DYM: variants seen among roughly 807,000 people sequenced by gnomAD.
DYM encodes the protein dymeclin, also known as dyggve-Melchior-Clausen syndrome protein.
In DYM, 78 loss-of-function variants were observed where a neutral mutation model predicts 93.1. The ratio of observed to expected loss-of-function variants is 0.84; its 90% CI spans 0.70 to 1.01. The LOEUF (loss-of-function observed/expected upper bound fraction) is 1.01. Among genes scored for constraint, DYM ranks in the 50% least tolerant of loss-of-function variants. The pLI, the probability that DYM is intolerant of heterozygous loss-of-function variation, is 0.00. For synonymous variants in DYM, 321 were observed against 319.7 expected, an observed-to-expected ratio of 1.00 and a Z score of -0.04; for missense variants, 789 against 845.0, an observed-to-expected ratio of 0.93 and a Z score of 0.82.
In DYM at chr18:49,286,558, T is replaced by C; in HGVS notation, c.822A>G (p.Pro274=). 6.2e-7 allele frequency: 1 copy of C among 1,614,134 alleles called. No individual in the cohort carries two copies. The highest frequency in any genetic ancestry group is 2.2e-5 in the East Asian group (1 of 44,856). Residue 274 remains proline (P), a synonymous_variant, in exon 9 of 18, where the codon CCA becomes CCG. Coordinates refer to ENST00000675505, the MANE Select transcript of DYM (RefSeq NM_001353214.3). ...GGTTGGCCAGAGGGGAAGAAAGCTC[T>C]GGAGAGGCAGCCGCTTTGCTGCCCA... ...GGVGSKAAAS[P]ELSSPLANQS...
chr18:49,305,135 A>G (rs1234428624), intron 8 of DYM, among the ~76,000 whole-genome samples: 1 of 151,936 alleles, frequency 6.6e-6, no homozygotes, highest in Non-Finnish European at 1.5e-5. Flanking sequence ...TCCTCACCCA[A>G]CTAGGATTCT....
chr18:49,117,900 T>G (rs114083265), intron 16 of DYM, among the ~76,000 whole-genome samples: 86 of 152,116 alleles, frequency 5.7e-4, no homozygotes, highest in African/African-American at 2.1e-3. Flanking sequence ...GGTTTCACTG[T>G]GTTAGCCAGG....
Position 49,258,425 on chromosome 18 carries a change from G to C in DYM, c.1320C>G (p.Ile440Met). 6.2e-7 allele frequency: 1 copy of C among 1,613,388 alleles called. No homozygotes were observed. The highest frequency in any genetic ancestry group is 8.5e-7 in the Non-Finnish European group (1 of 1,179,402). ...LTEISLGSLL[I>M]LVVIRTIQYN... is the part of the protein sequence containing the mutation. ...ATTGAATGGTTCTTATTACCACCAG[G>C]ATCAGGAGACTCCCCAAGGAGATTT... is the stretch of plus-strand genomic sequence containing the variant. The change falls in exon 12 of 18, where the codon ATC becomes ATG. Residue 440 changes from isoleucine (I) to methionine (M), a missense_variant. Transcript: ENST00000675505.
intron 14 of DYM, among the ~76,000 whole-genome samples, chr18:49,179,668 T>C (rs891894029): frequency 9.2e-5 from 14 of 152,186 alleles, no homozygotes; most frequent in African/African-American, 3.4e-4. Context: ...ATTGTCAACA[T>C]AAGGTAGATA....
intron 16 of DYM, among the ~76,000 whole-genome samples, chr18:49,106,606 G>A (rs1412912506): frequency 6.6e-6 from 1 of 152,180 alleles, no homozygotes; most frequent in Non-Finnish European, 1.5e-5. Flanking sequence ...GCCTGGTGGT[G>A]AGAAAATCTC....
chr18:49,401,594 T>C (rs947059108), intron 2 of DYM, among the ~76,000 whole-genome samples: 3 of 152,108 alleles, frequency 2.0e-5, no homozygotes, highest in African/African-American at 7.2e-5. Context: ...TGGAGAACTA[T>C]GCCCAAGAAT....
chr18:49,232,863 C>A (rs917899262), intron 13 of DYM, among the ~76,000 whole-genome samples: 1 of 151,784 alleles, frequency 6.6e-6, no homozygotes, highest in Non-Finnish European at 1.5e-5. Context: ...CCCACCTCAG[C>A]CTCCCAAAAG....
chr18:49,453,586 G>A (rs2082719501), intron 1 of DYM, among the ~76,000 whole-genome samples: 1 of 152,176 alleles, frequency 6.6e-6, no homozygotes, highest in South Asian at 2.1e-4. Flanking sequence ...CACCGTGAGG[G>A]TCCGTGGCTT....
intron 16 of DYM, among the ~76,000 whole-genome samples, chr18:49,114,348 T>A (rs1192791623): frequency 1.3e-5 from 2 of 152,244 alleles, no homozygotes; most frequent in African/African-American, 4.8e-5. Context: ...TAACAGCATA[T>A]AGTCAAATGT....
intron 15 of DYM, among the ~76,000 whole-genome samples, chr18:49,154,131 A>T (rs2086123785): frequency 6.6e-6 from 1 of 152,188 alleles, no homozygotes; most frequent in African/African-American, 2.4e-5. Flanking sequence ...TATTCCACAA[A>T]ATAACTGACT....
At chr18:49,100,788 T>C (rs1219873487) in intron 16 of DYM, among the ~76,000 whole-genome samples, 1 of 152,180 alleles carries the variant, frequency 6.6e-6, no homozygotes, top group African/African-American at 2.4e-5. Flanking sequence ...TACAGAATTG[T>C]AAAAAGGATC....
intron 1 of DYM, among the ~76,000 whole-genome samples, chr18:49,441,298 AT>A (rs2081569598): frequency 3.4e-4 from 14 of 41,690 alleles, no homozygotes; most frequent in African/African-American, 1.5e-3. Flanking sequence ...ATATAATATA[AT>A]TATATATAAT....
chr18:49,306,280 A>T (rs2061270551), intron 8 of DYM, among the ~76,000 whole-genome samples: 1 of 152,166 alleles, frequency 6.6e-6, no homozygotes, highest in African/African-American at 2.4e-5. Flanking sequence ...AGAAGTAGAG[A>T]GTTAATTATT....
intron 15 of DYM, among the ~76,000 whole-genome samples, chr18:49,153,737 T>C (rs973655534): frequency 3.3e-5 from 5 of 152,098 alleles, no homozygotes; most frequent in African/African-American, 1.2e-4. Flanking sequence ...CCTTATAGAA[T>C]TCTATTAATA....
chr18:49,318,628 A>G (rs1221344264), intron 8 of DYM, among the ~76,000 whole-genome samples: 1 of 151,922 alleles, frequency 6.6e-6, no homozygotes, highest in Non-Finnish European at 1.5e-5. Flanking sequence ...CCCCCCACAA[A>G]AAAGAGAGAG....
At chr18:49,447,831 AG>A (rs1361082105) in intron 1 of DYM, among the ~76,000 whole-genome samples, 1 of 152,196 alleles carries the variant, frequency 6.6e-6, no homozygotes, top group Non-Finnish European at 1.5e-5. Context: ...GGAATGTCGT[AG>A]TAACAAGGCA....
chr18:49,383,952 A>G (rs1229789063), intron 3 of DYM, among the ~76,000 whole-genome samples: 1 of 152,166 alleles, frequency 6.6e-6, no homozygotes, highest in South Asian at 2.1e-4. Context: ...ATACACAGCA[A>G]TCAACAGTAG....
rs2081477027 is a variant in DYM, at chr18:49,441,159, ATT to A, written c.-53-10714_-53-10713del. Among the ~76,000 whole-genome samples, 8 of 21,884 alleles carry A rather than the reference ATT, an allele frequency of 3.7e-4. 1 individual carries two copies. Among genetic ancestry groups the A allele is most frequent in the African/African-American group, 1.3e-3 (8 of 6,138 alleles). 14.4% of individuals were successfully genotyped at this position (21,884 alleles called of 152,430 possible). A position where few individuals can be genotyped will look rare whatever the true frequency, so the allele number is the denominator to read the frequency against. ...AAATATATTATATAATATAATATAT[ATT>A]ATATATTATATAATTATATATTTAT... On this transcript the variant is annotated intron_variant, in intron 1 of 17. Transcript: ENST00000675505.
At chr18:49,288,071 C>T (rs1359769164) in intron 8 of DYM, among the ~76,000 whole-genome samples, 1 of 152,012 alleles carries the variant, frequency 6.6e-6, no homozygotes. Flanking sequence ...ATTACTTTCA[C>T]CTGTTTCTTT....
Sources: gnomAD v4.1 joint callset for allele counts (sites outside exome capture counted in the v4.1 genomes callset) on GRCh38, gnomAD v4.1.1 for gene constraint, MANE v1.5 for transcripts, NCBI Gene and HGNC (gene_info 2026-07-23, HGNC 2026-07-21) for gene names.